Variants in CARMIL1 observed in about 807,000 individuals in gnomAD.
CARMIL1 encodes F-actin-uncapping protein LRRC16A.
In CARMIL1, 90 loss-of-function variants were observed where a neutral mutation model predicts 177.1. The ratio of observed to expected loss-of-function variants is 0.51; its 90% CI spans 0.43 to 0.61. The LOEUF is 0.61. CARMIL1 is among the 20% of genes least tolerant of loss of function. The pLI is 0.00. For synonymous variants in CARMIL1, 577 were observed against 606.2 expected (o/e 0.95, Z 0.71); for missense variants, 1,380 against 1,667.0 (o/e 0.83, Z 3.00).
intron 2 of CARMIL1, among the ~76,000 whole-genome samples, chr6:25,372,436 C>T (rs764147249): frequency 6.6e-6 from 1 of 151,916 alleles, no homozygotes; most frequent in Non-Finnish European, 1.5e-5. Context: ...AGTGTTTTGT[C>T]GTTCTTGAAG....
chr6:25,513,512 G>C (rs1275112472), intron 20 of CARMIL1, among the ~76,000 whole-genome samples: 1 of 152,186 alleles, frequency 6.6e-6, no homozygotes. Flanking sequence ...GGTATATTTG[G>C]ATGATAAGGA....
At chr6:25,526,479 T>A (rs1807152368) in intron 23 of CARMIL1, among the ~76,000 whole-genome samples, 1 of 151,820 alleles carries the variant, frequency 6.6e-6, no homozygotes, top group Non-Finnish European at 1.5e-5. Flanking sequence ...CCCCTTTCCT[T>A]CCCTCTCATT....
chr6:25,450,745 TCC>T, intron 8 of CARMIL1, 34 bp downstream of exon 8: 1 of 586,766 alleles, frequency 1.7e-6, no homozygotes, highest in Non-Finnish European at 2.6e-6. Context: ...CCTCCTTTCC[TCC>T]CTCCCTTCCT....
rs1457025242 is a variant in CARMIL1, at chr6:25,279,809, G to GCTCTGACGTTCCCAGGGAGTT, written c.15_35dup (p.Glu11_Leu12insPheSerAspValProArgGlu). 4.7e-5 allele frequency: 76 copies of GCTCTGACGTTCCCAGGGAGTT among 1,613,926 alleles called. No individual in the cohort carries two copies. The highest frequency in any genetic ancestry group is 6.4e-5 in the Non-Finnish European group (75 of 1,179,912). ...TACAGGGCAACCATGACCGAGGAGA[G>GCTCTGACGTTCCCAGGGAGTT]CTCTGACGTTCCCAGGGAGTTGATA... On this transcript the variant is annotated inframe_insertion, in exon 1 of 37. Coordinates refer to ENST00000329474, the MANE Select transcript of CARMIL1 (RefSeq NM_017640.6).
chr6:25,315,536 G>A (rs1408440525), intron 2 of CARMIL1, among the ~76,000 whole-genome samples: 2 of 152,122 alleles, frequency 1.3e-5, no homozygotes, highest in Non-Finnish European at 2.9e-5. Context: ...CCTCCATACC[G>A]CTGCCTGCTT....
At chr6:25,424,977 A>G (rs1226363556) in intron 3 of CARMIL1, among the ~76,000 whole-genome samples, 1 of 152,244 alleles carries the variant, frequency 6.6e-6, no homozygotes, top group African/African-American at 2.4e-5. Context: ...ATATTTATTC[A>G]TAAACTTTAA....
intron 1 of CARMIL1, among the ~76,000 whole-genome samples, chr6:25,281,114 A>C (rs1436562346): frequency 2.5e-5 from 3 of 122,112 alleles, no homozygotes; most frequent in Non-Finnish European, 5.2e-5. Context: ...TTATTCACAG[A>C]CGCACGCGCG....
chr6:25,386,507 T>G (rs948008411), intron 2 of CARMIL1, among the ~76,000 whole-genome samples: 2 of 152,086 alleles, frequency 1.3e-5, no homozygotes, highest in Admixed American at 6.6e-5. Flanking sequence ...CCTCCCAAAG[T>G]GCTGGGATTA....
intron 2 of CARMIL1, among the ~76,000 whole-genome samples, chr6:25,293,044 A>G (rs1186259861): frequency 6.6e-6 from 1 of 152,138 alleles, no homozygotes; most frequent in South Asian, 2.1e-4. Context: ...TGTAGCTACA[A>G]TCTGAAGGAT....
intron 3 of CARMIL1, among the ~76,000 whole-genome samples, chr6:25,425,386 G>A (rs981285875): frequency 1.3e-5 from 2 of 152,138 alleles, no homozygotes; most frequent in African/African-American, 2.4e-5. Context: ...TATACTTTGA[G>A]ATGTTTAACT....
intron 2 of CARMIL1, among the ~76,000 whole-genome samples, chr6:25,323,757 G>A (rs939885858): frequency 2.0e-5 from 3 of 152,234 alleles, no homozygotes; most frequent in Admixed American, 6.5e-5. Flanking sequence ...ACCTTTGGAA[G>A]TTGGGACTGT....
At chr6:25,381,461 C>T (rs571970414) in intron 2 of CARMIL1, among the ~76,000 whole-genome samples, 1 of 152,330 alleles carries the variant, frequency 6.6e-6, no homozygotes, top group South Asian at 2.1e-4. Context: ...CCACAAGACT[C>T]TTCTCCACTT....
intron 24 of CARMIL1, among the ~76,000 whole-genome samples, chr6:25,531,540 A>C (rs978490332): frequency 6.6e-6 from 1 of 152,230 alleles, no homozygotes; most frequent in African/African-American, 2.4e-5. Flanking sequence ...TATTTAAGCA[A>C]GAAAAAGTAA....
chr6:25,417,258 G>A (rs986870511), intron 2 of CARMIL1, among the ~76,000 whole-genome samples: 9 of 152,100 alleles, frequency 5.9e-5, no homozygotes, highest in Non-Finnish European at 1.3e-4. Flanking sequence ...TGCAAGCCAA[G>A]CGTATCTCTG....
chr6:25,605,704 C>T (rs1006972883), intron 34 of CARMIL1, among the ~76,000 whole-genome samples: 6 of 152,284 alleles, frequency 3.9e-5, no homozygotes, highest in Admixed American at 2.6e-4. Context: ...TATACCTGTA[C>T]CTTGTGCCAG....
intron 2 of CARMIL1, among the ~76,000 whole-genome samples, chr6:25,348,783 A>G (rs1787814262): frequency 6.6e-6 from 1 of 152,134 alleles, no homozygotes; most frequent in African/African-American, 2.4e-5. Context: ...TCTGTCTTAA[A>G]AAAATAAAAA....
chr6:25,452,299 A>C (rs767166434), intron 8 of CARMIL1: 1 of 749,904 alleles, frequency 1.3e-6, no homozygotes, highest in Admixed American at 1.8e-5. Flanking sequence ...TCAAATTTAG[A>C]CAAGATGTTT....
At chr6:25,609,320 G>A (rs1816292685) in intron 35 of CARMIL1, among the ~76,000 whole-genome samples, 1 of 151,974 alleles carries the variant, frequency 6.6e-6, no homozygotes, top group African/African-American at 2.4e-5. Context: ...CAAAAAATTA[G>A]CCTGGCATGG....
intron 36 of CARMIL1, chr6:25,612,354 T>C (rs1202003710): frequency 6.6e-6 from 1 of 152,270 alleles, no homozygotes; most frequent in East Asian, 1.9e-4. Flanking sequence ...CATTTCCCTG[T>C]TCTTTGCCTC....
Sources: allele counts gnomAD v4.1 joint callset (sites outside exome capture counted in the v4.1 genomes callset), GRCh38; gene constraint gnomAD v4.1.1; transcripts MANE v1.5; gene names NCBI Gene and HGNC (gene_info 2026-07-23, HGNC 2026-07-21).